Variants in TMTC3 observed in about 807,000 individuals in gnomAD.
TMTC3 encodes the protein protein O-mannosyl-transferase TMTC3.
Under a neutral mutation model 92.2 loss-of-function variants are expected in TMTC3, and 52 were observed. That is an observed-to-expected ratio of 0.56 (90% CI 0.45 to 0.71). The LOEUF (loss-of-function observed/expected upper bound fraction) is 0.71, where lower values mean the gene tolerates loss of function less well. Among genes scored for constraint, TMTC3 ranks in the 30% least tolerant of loss-of-function variants. The pLI is 0.00. For missense variants in TMTC3, 896 were observed against 1,057.1 expected (o/e 0.85, Z 2.11); for synonymous variants, 339 against 363.3 (o/e 0.93, Z 0.76).
At chr12:88,149,046 A>G (rs554856335) in intron 2 of TMTC3, among the ~76,000 whole-genome samples, 11 of 152,176 alleles carry the variant, frequency 7.2e-5, no homozygotes, top group Non-Finnish European at 1.2e-4. Flanking sequence ...GGCAACTTCA[A>G]TATAAATAGA....
At chr12:88,169,297 T>G (rs368539811) in intron 7 of TMTC3, among the ~76,000 whole-genome samples, 2 of 151,566 alleles carry the variant, frequency 1.3e-5, no homozygotes, top group African/African-American at 4.9e-5. Flanking sequence ...ACAAAAGAAA[T>G]AAACGGTAGA....
chr12:88,170,278 GA>G (rs1166648247), intron 7 of TMTC3, among the ~76,000 whole-genome samples: 1 of 152,100 alleles, frequency 6.6e-6, no homozygotes, highest in Non-Finnish European at 1.5e-5. Context: ...ACTTTTGAGT[GA>G]ATTTAACACT....
At chr12:88,192,174 C>A (rs1221531054) in intron 12 of TMTC3, among the ~76,000 whole-genome samples, 1 of 151,564 alleles carries the variant, frequency 6.6e-6, no homozygotes, top group Non-Finnish European at 1.5e-5. Flanking sequence ...TTTCTCTTAC[C>A]ACTACTATAT....
intron 1 of TMTC3, among the ~76,000 whole-genome samples, chr12:88,142,842 A>G (rs578131610): frequency 6.6e-6 from 1 of 152,066 alleles, no homozygotes; most frequent in Non-Finnish European, 1.5e-5. Flanking sequence ...GTGGGGCTTG[A>G]TGGTTGTGGA....
At chr12:88,152,099 G>T (rs896335401) in intron 2 of TMTC3, among the ~76,000 whole-genome samples, 1 of 152,286 alleles carries the variant, frequency 6.6e-6, no homozygotes, top group South Asian at 2.1e-4. Context: ...ATATGGATGC[G>T]TATATTAGTC....
At chr12:88,171,103 T>C (rs1441810746) in intron 7 of TMTC3, among the ~76,000 whole-genome samples, 3 of 152,162 alleles carry the variant, frequency 2.0e-5, no homozygotes, top group Non-Finnish European at 4.4e-5. Flanking sequence ...GTCTGCTATC[T>C]TGTCTGAACG....
At chr12:88,169,478 T>G (rs990694856) in intron 7 of TMTC3, among the ~76,000 whole-genome samples, 2 of 152,146 alleles carry the variant, frequency 1.3e-5, no homozygotes, top group Non-Finnish European at 2.9e-5. Context: ...TTCAGTATAG[T>G]CCTAATAAAG....
intron 9 of TMTC3, among the ~76,000 whole-genome samples, chr12:88,175,248 C>A (rs940342841): frequency 4.0e-5 from 6 of 151,350 alleles, no homozygotes; most frequent in Non-Finnish European, 8.8e-5. Context: ...TAAGAATTGG[C>A]AGAAAGAAAG....
intron 6 of TMTC3, among the ~76,000 whole-genome samples, chr12:88,163,800 A>G (rs939670971): frequency 5.9e-5 from 9 of 152,220 alleles, no homozygotes; most frequent in Non-Finnish European, 8.8e-5. Context: ...TTTTCAAATA[A>G]CACCACATTC....
chr12:88,154,021 G>T (rs1167941367), intron 3 of TMTC3, among the ~76,000 whole-genome samples: 1 of 151,866 alleles, frequency 6.6e-6, no homozygotes, highest in Admixed American at 6.6e-5. Context: ...GAGTACGCAA[G>T]ATCTCTCTTT....
At chr12:88,150,445 A>G (rs758727356) in intron 2 of TMTC3, among the ~76,000 whole-genome samples, 1 of 152,194 alleles carries the variant, frequency 6.6e-6, no homozygotes, top group Non-Finnish European at 1.5e-5. Flanking sequence ...CACACATATC[A>G]CATACCATGG....
In TMTC3 at chr12:88,143,158, CT is replaced by C. The variant is rs552936811; in HGVS notation, c.-29+684del. Among the ~76,000 whole-genome samples, 1,108 of 140,214 alleles carry C rather than the reference CT, an allele frequency of 7.9e-3. 4 individuals are homozygous for C. The highest frequency in any genetic ancestry group is 0.016 in the African/African-American group (627 of 38,306). The allele number at this position is 140,214 out of a possible 152,430, so 92.0% of individuals were successfully genotyped here. A position where few individuals can be genotyped will look rare whatever the true frequency, so the allele number is the denominator to read the frequency against. On this transcript the variant is annotated intron_variant, in intron 1 of 13. Transcript: ENST00000266712. ...CCAACTATCTGGACCAGTGCTTTGT[CT>C]TTTTTTTTTTTTAAACGCTGCTTTA... is the stretch of plus-strand genomic sequence containing the variant.
chr12:88,195,400 G>C lies in TMTC3; in HGVS notation c.2496G>C (p.Lys832Asn). The C allele has an allele frequency of 1.9e-6, 3 of 1,613,766 alleles. No individual in the cohort carries two copies. The highest frequency in any genetic ancestry group is 2.5e-6 in the Non-Finnish European group (3 of 1,179,870). ...SFIEPIFPTS[K>N]ISSVEGKKIP... ...TAGAGCCAATATTCCCAACCAGTAA[G>C]ATTTCAAGTGTGGAAGGAAAGAAAA... Residue 832 changes from lysine (K) to asparagine (N), a missense_variant, in exon 14 of 14, where the codon AAG becomes AAC. Lys to Asn is a moderately conservative substitution (Grantham distance 94). Coordinates refer to ENST00000266712, the MANE Select transcript of TMTC3 (RefSeq NM_181783.4).
At chr12:88,172,917 C>T in intron 8 of TMTC3, 172 bp downstream of exon 8, 2 of 1,500,536 alleles carry the variant, frequency 1.3e-6, no homozygotes, top group Non-Finnish European at 1.8e-6. Context: ...CTCCATGGCA[C>T]CTACTTATTC....
In TMTC3 at chr12:88,148,340, ATAACCT is replaced by A. The variant is rs2040900685; in HGVS notation, c.29_34del (p.Thr10_Leu11del). 6.2e-7 allele frequency: 1 copy of A among 1,611,344 alleles called. No homozygotes were observed. The highest frequency in any genetic ancestry group is 1.1e-5 in the South Asian group (1 of 90,214). On this transcript the variant is annotated inframe_deletion, in exon 2 of 14. Coordinates refer to ENST00000266712, the MANE Select transcript of TMTC3 (RefSeq NM_181783.4). ...GATGGCTAATATTAACCTAAAAGAA[ATAACCT>A]TAATAGTAGGTGTGGTTACTGCCTG...
Position 88,194,715 on chromosome 12 carries a change from T to A in TMTC3, c.1934-123T>A, listed in dbSNP as rs2138448509. 2 of 673,286 alleles carry A rather than the reference T, an allele frequency of 3.0e-6. 1 individual carries two copies. The highest frequency in any genetic ancestry group is 6.4e-5 in the East Asian group (2 of 31,262). 41.7% of individuals were successfully genotyped at this position (673,286 alleles called of 1,614,324 possible). On this transcript the variant is annotated intron_variant, in intron 13 of 13. Transcript: ENST00000266712. ...CGAGATTTTTGCTTTCTACTTTTTT[T>A]AACTATGGAAATTAGTTGTTTTGAA...
chr12:88,182,502 G>A (rs1054158579), intron 10 of TMTC3, among the ~76,000 whole-genome samples: 2 of 152,186 alleles, frequency 1.3e-5, no homozygotes, highest in Non-Finnish European at 2.9e-5. Context: ...TATGCAAGTT[G>A]ATAGTATTTA....
intron 10 of TMTC3, among the ~76,000 whole-genome samples, chr12:88,187,616 C>A (rs1196345503): frequency 6.6e-6 from 1 of 152,126 alleles, no homozygotes; most frequent in Non-Finnish European, 1.5e-5. Flanking sequence ...TATAATCAAA[C>A]CTGGACCGCA....
At chr12:88,160,998 A>C in intron 6 of TMTC3, 147 bp downstream of exon 6, 1 of 784,030 alleles carries the variant, frequency 1.3e-6, no homozygotes, top group Non-Finnish European at 2.0e-6. Flanking sequence ...ATATATTTAA[A>C]ATTTATGTAC....
Sources: gnomAD v4.1 joint callset for allele counts (sites outside exome capture counted in the v4.1 genomes callset) on GRCh38, gnomAD v4.1.1 for gene constraint, MANE v1.5 for transcripts, NCBI Gene and HGNC (gene_info 2026-07-23, HGNC 2026-07-21) for gene names.